The following LRRC7 variants were observed in gnomAD, a reference collection of about 807,000 sequenced individuals.
LRRC7 encodes the protein leucine rich repeat containing 7.
In LRRC7, 23 loss-of-function variants were observed where a neutral mutation model predicts 175.7. The ratio of observed to expected loss-of-function variants is 0.13; its 90% CI spans 0.09 to 0.19. The LOEUF is 0.19. Ranked by LOEUF, LRRC7 falls within the 10% of genes least tolerant of loss-of-function variation. The pLI is 1.00. For synonymous variants in LRRC7, 685 were observed against 680.9 expected, an observed-to-expected ratio of 1.01 and a Z score of -0.09; for missense variants, 1,354 against 1,904.7, an observed-to-expected ratio of 0.71 and a Z score of 5.38.
At chr1:70,044,491 AATT>A (rs1204715062) in intron 22 of LRRC7, among the ~76,000 whole-genome samples, 1 of 152,074 alleles carries the variant, frequency 6.6e-6, no homozygotes, top group Non-Finnish European at 1.5e-5. Context: ...CAGAGCTCAA[AATT>A]ATTGTTGGAT....
rs549288671 is a variant in LRRC7 at position 69,738,166 on chromosome 1, G to A, written c.101-22025G>A. On this transcript the variant is annotated intron_variant, in intron 2 of 26. Transcript: ENST00000651989. ...TGTCTCACTGAGACCACCAAAAATG[G>A]CCATGTACCGAGTTCTAATAAGTAA... is the stretch of plus-strand genomic sequence containing the variant. 7.9e-5 allele frequency among the ~76,000 whole-genome samples: 12 copies of A among 152,072 alleles called. No individual in the cohort carries two copies. In the South Asian group the frequency reaches 1.2e-3, roughly 16 times the overall value.
At chr1:69,799,300 A>G (rs1051169685) in intron 4 of LRRC7, among the ~76,000 whole-genome samples, 2 of 152,058 alleles carry the variant, frequency 1.3e-5, no homozygotes, top group Non-Finnish European at 2.9e-5. Flanking sequence ...TAGTATAACC[A>G]TCATCCAAAT....
chr1:69,738,453 C>T (rs1051038899), intron 2 of LRRC7, among the ~76,000 whole-genome samples: 4 of 151,940 alleles, frequency 2.6e-5, no homozygotes, highest in African/African-American at 9.7e-5. Flanking sequence ...TCTTTTTACT[C>T]CTTTCCTTGT....
At chr1:69,820,175 A>G (rs974456815) in intron 4 of LRRC7, among the ~76,000 whole-genome samples, 1 of 151,060 alleles carries the variant, frequency 6.6e-6, no homozygotes, top group Non-Finnish European at 1.5e-5. Context: ...ATTTATTTTT[A>G]TCTTCTGTGT....
In LRRC7 at chr1:69,760,071, C is replaced by T. The variant is rs1670870396; in HGVS notation, c.101-120C>T. The stretch of plus-strand genomic sequence containing the variant: ...TGATACAATGCGTGTGTGTGTCCTA[C>T]TTTAAAGTATTCTAGACTGTATACC... On this transcript the variant is annotated intron_variant, in intron 2 of 26. Transcript: ENST00000651989. 4.2e-6 allele frequency: 4 copies of T among 957,718 alleles called. No homozygotes were observed. In the African/African-American group the frequency reaches 6.7e-5, roughly 16 times the overall value. 59.3% of individuals were successfully genotyped at this position (957,718 alleles called of 1,614,324 possible).
chr1:69,585,751 C>T (rs1381849940), intron 1 of LRRC7, among the ~76,000 whole-genome samples: 2 of 152,152 alleles, frequency 1.3e-5, no homozygotes, highest in African/African-American at 4.8e-5. Context: ...TGATAAAACA[C>T]TTGCATCCTT....
intron 2 of LRRC7, among the ~76,000 whole-genome samples, chr1:69,735,099 C>G (rs1038900085): frequency 3.3e-5 from 5 of 151,832 alleles, no homozygotes; most frequent in Admixed American, 6.6e-5. Context: ...TTCATATTGC[C>G]TCTCCTAAAT....
intron 25 of LRRC7, among the ~76,000 whole-genome samples, chr1:70,095,673 A>G (rs1664334664): frequency 1.3e-5 from 2 of 152,208 alleles, no homozygotes; most frequent in African/African-American, 2.4e-5. Flanking sequence ...ATGAAAGCAA[A>G]TAAGTATCAT....
intron 3 of LRRC7, among the ~76,000 whole-genome samples, chr1:69,788,330 C>A (rs1282296244): frequency 6.6e-6 from 1 of 152,172 alleles, no homozygotes. Flanking sequence ...TCATTTTATA[C>A]AATAAAGCAG....
chr1:69,614,168 ACT>A (rs1214754448), intron 1 of LRRC7, among the ~76,000 whole-genome samples: 1 of 151,688 alleles, frequency 6.6e-6, no homozygotes, highest in Non-Finnish European at 1.5e-5. Context: ...ACAAACATAA[ACT>A]CTTCATTGAA....
chr1:69,709,714 A>G (rs1310804232), intron 2 of LRRC7, among the ~76,000 whole-genome samples: 1 of 152,228 alleles, frequency 6.6e-6, no homozygotes. Flanking sequence ...TATAGGAAAG[A>G]CGGACTCTCT....
At chr1:69,819,068 C>G (rs150321626) in intron 4 of LRRC7, among the ~76,000 whole-genome samples, 2,052 of 151,906 alleles carry the variant, frequency 0.014, 39 homozygotes, top group African/African-American at 0.047. Context: ...TCTGATTTTT[C>G]TTTTGTCACT....
At chr1:70,024,706 C>T (rs1373112325) in intron 17 of LRRC7, among the ~76,000 whole-genome samples, 1 of 151,902 alleles carries the variant, frequency 6.6e-6, no homozygotes, top group East Asian at 1.9e-4. Flanking sequence ...TAGATATATA[C>T]AGAAATTGCT....
chr1:69,719,248 C>T (rs1190869293), intron 2 of LRRC7, among the ~76,000 whole-genome samples: 2 of 151,612 alleles, frequency 1.3e-5, no homozygotes, highest in Non-Finnish European at 3.0e-5. Flanking sequence ...CTATTTGCCT[C>T]AGAAATGATA....
At chr1:69,729,714 C>G (rs989748694) in intron 2 of LRRC7, among the ~76,000 whole-genome samples, 1 of 152,116 alleles carries the variant, frequency 6.6e-6, no homozygotes, top group African/African-American at 2.4e-5. Context: ...GCACATGGTA[C>G]AAGCTATAAG....
intron 7 of LRRC7, among the ~76,000 whole-genome samples, chr1:69,871,370 A>G (rs1175360334): frequency 6.6e-6 from 1 of 152,044 alleles, no homozygotes; most frequent in South Asian, 2.1e-4. Flanking sequence ...ATGATATGGC[A>G]GAGAGATCTG....
chr1:70,023,954 A>T (rs965581418), intron 17 of LRRC7, among the ~76,000 whole-genome samples: 15 of 152,002 alleles, frequency 9.9e-5, no homozygotes, highest in African/African-American at 3.4e-4. Flanking sequence ...GGGCTTCCTT[A>T]TCTCTGTGGT....
chr1:70,102,838 T>C (rs1664889769), intron 25 of LRRC7, among the ~76,000 whole-genome samples: 1 of 152,094 alleles, frequency 6.6e-6, no homozygotes, highest in Non-Finnish European at 1.5e-5. Context: ...TTGCCCAAGG[T>C]CACCAATTGT....
At chr1:70,112,861 G>A (rs1202816927) in intron 26 of LRRC7, among the ~76,000 whole-genome samples, 1 of 152,150 alleles carries the variant, frequency 6.6e-6, no homozygotes, top group East Asian at 1.9e-4. Context: ...AGGAGCAGGG[G>A]TAAGAGGTTT....
Sources: gnomAD v4.1 joint callset for allele counts (sites outside exome capture counted in the v4.1 genomes callset) on GRCh38, gnomAD v4.1.1 for gene constraint, MANE v1.5 for transcripts, NCBI Gene and HGNC (gene_info 2026-07-23, HGNC 2026-07-21) for gene names.